Variants in EPS15 observed in about 807,000 individuals in gnomAD.
EPS15 encodes epidermal growth factor receptor substrate 15.
A neutral mutation model predicts 113.8 loss-of-function variants in EPS15; 72 were observed. The ratio of observed to expected loss-of-function variants is 0.63; its 90% confidence interval spans 0.52 to 0.77. EPS15 has a LOEUF of 0.77. Ranked by LOEUF, EPS15 falls within the 30% of genes least tolerant of loss-of-function variation. The probability of loss-of-function intolerance (pLI) is 0.00; values close to 1 mark genes in which losing one functional copy is unlikely to be tolerated. For synonymous variants in EPS15, 344 were observed against 363.4 expected (o/e 0.95, Z 0.61); for missense variants, 1,048 against 1,045.8 (o/e 1.00, Z -0.03).
At chr1:51,515,859 T>C (rs1644706731) in intron 1 of EPS15, among the ~76,000 whole-genome samples, 1 of 152,252 alleles carries the variant, frequency 6.6e-6, no homozygotes, top group Non-Finnish European at 1.5e-5. Context: ...ACTAGCTTAC[T>C]TACTAGCTTC....
At chr1:51,426,837 C>CTCTCTCTCTCTCTCTCTCTATA (rs377211027) in intron 12 of EPS15, among the ~76,000 whole-genome samples, 2 of 143,650 alleles carry the variant, frequency 1.4e-5, no homozygotes, top group African/African-American at 5.3e-5. Flanking sequence ...CTCTCTCTCT[C>CTCTCTCTCTCTCTCTCTCTATA]TATATATATA....
chr1:51,377,212 C>T (rs528181338), intron 21 of EPS15, among the ~76,000 whole-genome samples: 1 of 152,126 alleles, frequency 6.6e-6, no homozygotes, highest in South Asian at 2.1e-4. Context: ...TGCAATGAGC[C>T]GAGACAGCTC....
At chr1:51,452,985 A>G (rs1653697997) in intron 8 of EPS15, among the ~76,000 whole-genome samples, 1 of 152,216 alleles carries the variant, frequency 6.6e-6, no homozygotes, top group Non-Finnish European at 1.5e-5. Flanking sequence ...AACCACACTT[A>G]ACCAAGAATT....
chr1:51,395,610 G>A (rs1028705359), intron 20 of EPS15, among the ~76,000 whole-genome samples: 1 of 152,158 alleles, frequency 6.6e-6, no homozygotes, highest in South Asian at 2.1e-4. Flanking sequence ...CTGGGATCAA[G>A]AGCAACTGAT....
chr1:51,369,210 T>C (rs1294950852), intron 21 of EPS15, among the ~76,000 whole-genome samples: 1 of 152,244 alleles, frequency 6.6e-6, no homozygotes, highest in East Asian at 1.9e-4. Flanking sequence ...TCCTCATAAA[T>C]GACCTATTTA....
intron 4 of EPS15, among the ~76,000 whole-genome samples, chr1:51,469,078 C>T (rs1332798521): frequency 6.6e-6 from 1 of 151,824 alleles, no homozygotes; most frequent in Non-Finnish European, 1.5e-5. Flanking sequence ...TGCAGTGAGC[C>T]GAGATCGGGC....
intron 5 of EPS15, among the ~76,000 whole-genome samples, chr1:51,467,635 A>G (rs1340163335): frequency 6.6e-6 from 1 of 152,228 alleles, no homozygotes; most frequent in Non-Finnish European, 1.5e-5. Flanking sequence ...CCTGTTAGGA[A>G]CTGAGCTGTA....
intron 12 of EPS15, among the ~76,000 whole-genome samples, chr1:51,438,743 A>G (rs1301652106): frequency 6.6e-6 from 1 of 152,170 alleles, no homozygotes; most frequent in Non-Finnish European, 1.5e-5. Flanking sequence ...TCTATTTTGC[A>G]ACAAAGTCAA....
chr1:51,400,923 T>C lies in EPS15; in HGVS notation c.1913A>G (p.Lys638Arg). The change falls in exon 19 of 25, where the codon AAA becomes AGA. Residue 638 changes from lysine (K) to arginine (R), a missense_variant. Transcript: ENST00000371733. ...SDPFKDDPFG[K>R]IDPFGGDPFK... is the part of the protein sequence containing the mutation. ...AAACTCAATAAGATACTGACCGATT[T>C]TTCCAAAAGGATCATCCTTGAAAGG... The C allele has an allele frequency of 1.3e-6, 2 of 1,584,012 alleles. No individual in the cohort carries two copies. Among genetic ancestry groups the C allele is most frequent in the Non-Finnish European group, 1.7e-6 (2 of 1,163,740 alleles).
intron 24 of EPS15, 40 bp downstream of exon 24, chr1:51,361,131 T>TA (rs777525509): frequency 1.3e-6 from 2 of 1,484,090 alleles, no homozygotes; most frequent in South Asian, 1.2e-5. Flanking sequence ...GAAAACTCTT[T>TA]AAAGATTTCT....
chr1:51,487,724 C>T (rs549425905), intron 1 of EPS15, among the ~76,000 whole-genome samples: 5 of 152,252 alleles, frequency 3.3e-5, no homozygotes, highest in African/African-American at 9.6e-5. Flanking sequence ...TTGGTTACTA[C>T]CTAAACACAT....
chr1:51,410,748 T>C (rs1649634020), intron 13 of EPS15, among the ~76,000 whole-genome samples: 2 of 152,186 alleles, frequency 1.3e-5, no homozygotes, highest in African/African-American at 4.8e-5. Flanking sequence ...TTCACCAGAA[T>C]AAGAATCTAA....
At chr1:51,419,994 C>T (rs1650596729) in intron 13 of EPS15, among the ~76,000 whole-genome samples, 2 of 152,010 alleles carry the variant, frequency 1.3e-5, no homozygotes, top group Non-Finnish European at 2.9e-5. Flanking sequence ...AATCTACTAA[C>T]CCAAATCTTT....
chr1:51,379,741 A>G (rs1646892658), intron 21 of EPS15, among the ~76,000 whole-genome samples: 1 of 150,510 alleles, frequency 6.6e-6, no homozygotes, highest in African/African-American at 2.5e-5. Flanking sequence ...ACATGGTGAA[A>G]CCCCATCTCT....
intron 16 of EPS15, 112 bp downstream of exon 16, chr1:51,405,793 C>T (rs1649060800): frequency 1.2e-6 from 1 of 822,480 alleles, no homozygotes. Flanking sequence ...AAGGAAATCT[C>T]AATTGTCCTC....
At chr1:51,389,664 A>G (rs1359731767) in intron 21 of EPS15, among the ~76,000 whole-genome samples, 1 of 152,282 alleles carries the variant, frequency 6.6e-6, no homozygotes, top group Admixed American at 6.5e-5. Flanking sequence ...AAGCATTCTT[A>G]TACACCAATA....
rs780611927 is a variant in EPS15 at position 51,366,021 on chromosome 1, G to T, written c.2128C>A (p.Pro710Thr). The T allele has an allele frequency of 1.9e-6, 3 of 1,610,386 alleles. No individual in the cohort carries two copies. In the East Asian group the frequency reaches 6.7e-5, roughly 36 times the overall value. Residue 710 changes from proline (P) to threonine (T), a missense_variant, in exon 22 of 25, where the codon CCC becomes ACC. By Grantham distance (38) the Pro-to-Thr change is conservative. Transcript: ENST00000371733. ...VVAASDSATD[P>T]FASVFGNESF... ...TCATTCCCAAAAACAGAAGCAAAGG[G>T]GTCTGTGGCTAAAATGAATAAAGAA...
chr1:51,381,849 T>C (rs1022486456), intron 21 of EPS15, among the ~76,000 whole-genome samples: 9 of 151,738 alleles, frequency 5.9e-5, no homozygotes, highest in Admixed American at 6.6e-5. Flanking sequence ...TATAAATACT[T>C]AAAAAAGAAG....
intron 21 of EPS15, among the ~76,000 whole-genome samples, chr1:51,378,246 C>T (rs1411077848): frequency 4.0e-5 from 6 of 151,628 alleles, no homozygotes; most frequent in African/African-American, 1.5e-4. Flanking sequence ...AATTAAGACA[C>T]GTGCATTTTT....
Sources: allele counts gnomAD v4.1 joint callset (sites outside exome capture counted in the v4.1 genomes callset), GRCh38; gene constraint gnomAD v4.1.1; transcripts MANE v1.5; gene names NCBI Gene and HGNC (gene_info 2026-07-23, HGNC 2026-07-21).